LRRC37A2: variants seen among roughly 807,000 people sequenced by gnomAD.
LRRC37A2 encodes leucine rich repeat containing 37 member A2.
Under a neutral mutation model 68.8 loss-of-function variants are expected in LRRC37A2, and 9 were observed. That is an observed-to-expected ratio of 0.13 (90% confidence interval 0.08 to 0.23). The LOEUF (loss-of-function observed/expected upper bound fraction) is 0.23. Among genes scored for constraint, LRRC37A2 ranks in the 10% least tolerant of loss-of-function variants. The probability of loss-of-function intolerance (pLI) is 1.00; values close to 1 mark genes in which losing one functional copy is unlikely to be tolerated. For missense variants in LRRC37A2, 168 were observed against 950.4 expected (o/e 0.18, Z 10.82); for synonymous variants, 63 against 367.6 (o/e 0.17, Z 9.48).
At chr17:46,712,930 C>T in the LRRC37A2 span, among the ~76,000 whole-genome samples, 1 of 152,058 alleles carries the variant, frequency 6.6e-6, no homozygotes, top group Non-Finnish European at 1.5e-5. Flanking sequence ...GAAAAAGATA[C>T]CAAAATGTTT....
chr17:46,899,769 T>G, the LRRC37A2 span, among the ~76,000 whole-genome samples: 1 of 152,152 alleles, frequency 6.6e-6, no homozygotes, highest in Non-Finnish European at 1.5e-5. Flanking sequence ...GTGAACTTTA[T>G]GTGAATTGTA....
At chr17:46,939,054 G>GTTGGCTTT in the LRRC37A2 span, 1 of 1,263,296 alleles carries the variant, frequency 7.9e-7, no homozygotes, top group South Asian at 1.5e-5. Flanking sequence ...TGGTGGCTTT[G>GTTGGCTTT]TTCACATAGC....
chr17:46,991,210 C>T, the LRRC37A2 span, among the ~76,000 whole-genome samples: 2 of 152,080 alleles, frequency 1.3e-5, no homozygotes, highest in Non-Finnish European at 2.9e-5. Flanking sequence ...CTAGAAGACC[C>T]CTAACTGGTC....
the LRRC37A2 span, among the ~76,000 whole-genome samples, chr17:46,496,589 C>T: frequency 7.9e-6 from 1 of 126,308 alleles, no homozygotes; most frequent in African/African-American, 3.3e-5. Flanking sequence ...GGAAGCAGAG[C>T]AAGACTCCAT....
the LRRC37A2 span, among the ~76,000 whole-genome samples, chr17:46,907,695 A>ACAC: frequency 6.9e-6 from 1 of 145,616 alleles, no homozygotes; most frequent in Non-Finnish European, 1.5e-5. Context: ...AAAACAAAAA[A>ACAC]CCCAAAATTA....
At chr17:46,816,170 C>T in the LRRC37A2 span, among the ~76,000 whole-genome samples, 2 of 151,740 alleles carry the variant, frequency 1.3e-5, no homozygotes. Context: ...CTCACATGCC[C>T]AGTCATGAAC....
chr17:46,762,229 T>C, the LRRC37A2 span, among the ~76,000 whole-genome samples: 4 of 152,236 alleles, frequency 2.6e-5, no homozygotes, highest in Admixed American at 2.6e-4. Flanking sequence ...ACATTGAAAA[T>C]ACTTGAGTCT....
chr17:47,026,956 G>C, the LRRC37A2 span, among the ~76,000 whole-genome samples: 2 of 152,118 alleles, frequency 1.3e-5, no homozygotes, highest in African/African-American at 4.8e-5. Context: ...TGTCGCCCAG[G>C]CTGGAGTGCA....
At chr17:46,794,752 CTTTTTTTTTTT>C in the LRRC37A2 span, among the ~76,000 whole-genome samples, 1 of 129,286 alleles carries the variant, frequency 7.7e-6, no homozygotes, top group Non-Finnish European at 1.6e-5. Context: ...CTTTCTTTTT[CTTTTTTTTTTT>C]TTTTTTTAAC....
At chr17:46,989,851 C>T in the LRRC37A2 span, among the ~76,000 whole-genome samples, 1 of 152,240 alleles carries the variant, frequency 6.6e-6, no homozygotes, top group Non-Finnish European at 1.5e-5. Flanking sequence ...GCCATCCTCG[C>T]CACGGTGCCT....
chr17:47,030,811 G>A, the LRRC37A2 span, among the ~76,000 whole-genome samples: 11 of 151,900 alleles, frequency 7.2e-5, no homozygotes, highest in African/African-American at 2.7e-4. Context: ...TGACCAATAT[G>A]ACACCATTTT....
chr17:46,944,576 A>T, the LRRC37A2 span, among the ~76,000 whole-genome samples: 1 of 151,186 alleles, frequency 6.6e-6, no homozygotes. Flanking sequence ...TACCTGGTCT[A>T]CAGTGGGGCC....
At chr17:46,541,472 G>A (rs1248518481) in intron 8 of LRRC37A2, among the ~76,000 whole-genome samples, 7 of 149,424 alleles carry the variant, frequency 4.7e-5, no homozygotes, top group South Asian at 2.1e-4. Flanking sequence ...GGGTGGTTTC[G>A]AACTCCTGAC....
the LRRC37A2 span, among the ~76,000 whole-genome samples, chr17:46,991,965 G>T: frequency 1.3e-5 from 2 of 152,316 alleles, no homozygotes; most frequent in East Asian, 3.9e-4. Flanking sequence ...CTACTTCCTG[G>T]TTTATAATGA....
the LRRC37A2 span, among the ~76,000 whole-genome samples, chr17:46,765,191 G>A: frequency 6.6e-6 from 1 of 152,242 alleles, no homozygotes; most frequent in African/African-American, 2.4e-5. Flanking sequence ...GGGCTGACAA[G>A]GCCAAGATAA....
chr17:47,044,809 C>T, the LRRC37A2 span, among the ~76,000 whole-genome samples: 7 of 147,194 alleles, frequency 4.8e-5, no homozygotes, highest in African/African-American at 1.7e-4. Context: ...CCCAGGAGTT[C>T]GAGACCAGCC....
chr17:46,942,105 C>T, the LRRC37A2 span: 96 of 250,286 alleles, frequency 3.8e-4, no homozygotes, highest in Middle Eastern at 2.1e-3. Flanking sequence ...CAAATCAAGT[C>T]AGTGTAGAAT....
the LRRC37A2 span, among the ~76,000 whole-genome samples, chr17:46,970,154 G>A: frequency 6.6e-6 from 1 of 152,160 alleles, no homozygotes; most frequent in Non-Finnish European, 1.5e-5. Context: ...AGTAAATGTG[G>A]TTCCATCCCA....
chr17:47,012,871 G>T, the LRRC37A2 span, among the ~76,000 whole-genome samples: 1 of 152,162 alleles, frequency 6.6e-6, no homozygotes, highest in East Asian at 1.9e-4. Context: ...CTACTCCAAA[G>T]AAATGAAAAC....
Sources: gnomAD v4.1 joint callset for allele counts (sites outside exome capture counted in the v4.1 genomes callset) on GRCh38, gnomAD v4.1.1 for gene constraint, MANE v1.5 for transcripts, NCBI Gene and HGNC (gene_info 2026-07-23, HGNC 2026-07-21) for gene names.